TNFSF12: variants seen among roughly 807,000 people sequenced by gnomAD.
The protein encoded by TNFSF12 is tumor necrosis factor ligand superfamily member 12.
TNFSF12 carries 16 observed loss-of-function variants against 31.2 expected under a neutral mutation model. The observed-to-expected ratio is 0.51, with a 90% CI of 0.35 to 0.78. The LOEUF is 0.78. Among genes scored for constraint, TNFSF12 ranks in the 30% least tolerant of loss-of-function variants. TNFSF12 has a pLI of 0.01. For synonymous variants in TNFSF12, 150 were observed against 151.4 expected (o/e 0.99, Z 0.07); for missense variants, 324 against 338.8 (o/e 0.96, Z 0.34).
rs1438090978 is a variant in TNFSF12 at position 7,549,061 on chromosome 17, T to TC, written c.-89dup. ...GCCCCGTTTCCCTTGCCCCTCCCTCTCCCCGGCCCGATCCGCCCGCCGGCT... is the reference window on the plus strand; with the variant it reads ...GCCCCGTTTCCCTTGCCCCTCCCTCTCCCCCGGCCCGATCCGCCCGCCGGCT... On this transcript the variant is annotated 5_prime_UTR_variant, in exon 1 of 7. Coordinates refer to ENST00000293825, the MANE Select transcript of TNFSF12 (RefSeq NM_003809.3). This position sits in a 1 kb window ranked among gnomAD's most constrained non-coding sequence, Gnocchi z 4.1. 1 of 921,012 alleles carries TC rather than the reference T, an allele frequency of 1.1e-6. No homozygotes were observed. The highest frequency in any genetic ancestry group is 1.8e-5 in the African/African-American group (1 of 56,122). The allele number at this position is 921,012 out of a possible 1,614,324, so 57.1% of individuals were successfully genotyped here. A position where few individuals can be genotyped will look rare whatever the true frequency, so the allele number is the denominator to read the frequency against.
chr17:7,554,720 T>C (rs1486827583), intron 5 of TNFSF12, among the ~76,000 whole-genome samples: 2 of 149,490 alleles, frequency 1.3e-5, no homozygotes, highest in Admixed American at 1.3e-4. Context: ...GTTCAAGTGA[T>C]TCTCCTGCCT....
intron 5 of TNFSF12, chr17:7,553,566 CTAAT>C: frequency 1.7e-6 from 2 of 1,152,968 alleles, no homozygotes; most frequent in African/African-American, 1.6e-5. Context: ...GGAAGATACT[CTAAT>C]TACCTCCATT....
Position 7,549,554 on chromosome 17 carries a change from T to C in TNFSF12, c.207+33T>C. 1 of 1,520,702 alleles carries C rather than the reference T, an allele frequency of 6.6e-7. No individual in the cohort carries two copies. The highest frequency in any genetic ancestry group is 8.8e-7 in the Non-Finnish European group (1 of 1,130,342). 94.2% of individuals were successfully genotyped at this position (1,520,702 alleles called of 1,614,324 possible). A position where few individuals can be genotyped will look rare whatever the true frequency, so the allele number is the denominator to read the frequency against. On this transcript the variant is annotated intron_variant, in intron 2 of 6. Transcript: ENST00000293825. This position sits in a 1 kb window ranked among gnomAD's most constrained non-coding sequence, Gnocchi z 4.1. ...GGCGTGGGCGCGGTCTGCAGGCTGC[T>C]GGGGCATGGGAAGTGTGCACAGCCG... is the stretch of plus-strand genomic sequence containing the variant.
chr17:7,553,049 TTTTTTTTTTTTTTG>T (rs2071019523), intron 5 of TNFSF12, among the ~76,000 whole-genome samples: 2 of 97,130 alleles, frequency 2.1e-5, no homozygotes, highest in Admixed American at 1.1e-4. Flanking sequence ...TTTTTTTTTT[TTTTTTTTTTTTTTG>T]TGACAGAGTT....
Position 7,549,214 on chromosome 17 carries a change from C to G in TNFSF12, c.61C>G (p.Leu21Val). Reference sequence around the variant, plus strand: ...CCGGGGGGAGCCGGGCACCGCCCTGCTGGTCCCGCTCGCGCTGGGCCTGGG... The same window carrying G: ...CCGGGGGGAGCCGGGCACCGCCCTGGTGGTCCCGCTCGCGCTGGGCCTGGG... ...GRRGEPGTAL[L>V]VPLALGLGLA... The change falls in exon 1 of 7, where the codon CTG becomes GTG. Residue 21 changes from leucine to valine, a missense_variant. Transcript: ENST00000293825. The surrounding 1 kb of genome is among the most constrained non-coding windows in gnomAD (Gnocchi z 4.1). 3 of 1,348,852 alleles carry G rather than the reference C, an allele frequency of 2.2e-6. No homozygotes were observed. Among genetic ancestry groups the G allele is most frequent in the South Asian group, 3.7e-5 (2 of 54,596 alleles). 83.6% of individuals were successfully genotyped at this position (1,348,852 alleles called of 1,614,324 possible).
intron 5 of TNFSF12, among the ~76,000 whole-genome samples, chr17:7,552,779 A>G (rs2071014872): frequency 6.6e-6 from 1 of 152,098 alleles, no homozygotes; most frequent in Non-Finnish European, 1.5e-5. Flanking sequence ...AGAGGAAGAA[A>G]CCCAGGGAGG....
chr17:7,557,205 C>T lies in TNFSF12; in HGVS notation c.605C>T (p.Ser202Phe). 1.2e-5 allele frequency: 19 copies of T among 1,612,082 alleles called. No individual in the cohort carries two copies. Among genetic ancestry groups the T allele is most frequent in the Non-Finnish European group, 1.6e-5 (19 of 1,178,690 alleles). The change falls in exon 7 of 7, where the codon TCC becomes TTC. Residue 202 changes from serine (S) to phenylalanine (F), a missense_variant. By Grantham distance (155) the Ser-to-Phe change is radical. Transcript: ENST00000293825. The surrounding 1 kb of genome is among the most constrained non-coding windows in gnomAD (Gnocchi z 5.2). ...GAATTCTCAGCCACTGCGGCGAGTT[C>T]CCTCGGGCCCCAGCTCCGCCTCTGC... is the stretch of plus-strand genomic sequence containing the variant. ...LEEFSATAAS[S>F]LGPQLRLCQV...
chr17:7,555,482 G>A (rs1027307026), intron 5 of TNFSF12, among the ~76,000 whole-genome samples: 1 of 152,200 alleles, frequency 6.6e-6, no homozygotes, highest in Non-Finnish European at 1.5e-5. Context: ...CAGGCCACAC[G>A]GTGGCATGTG....
intron 5 of TNFSF12, among the ~76,000 whole-genome samples, chr17:7,555,983 T>TTG (rs2071059673): frequency 1.8e-5 from 1 of 55,138 alleles, no homozygotes; most frequent in Non-Finnish European, 3.2e-5. Context: ...GTTTTTTTTG[T>TTG]TTTTTTTTTT....
intron 5 of TNFSF12, among the ~76,000 whole-genome samples, chr17:7,555,279 C>G (rs1415741863): frequency 6.6e-6 from 1 of 152,120 alleles, no homozygotes; most frequent in Non-Finnish European, 1.5e-5. Flanking sequence ...CAAGGTGCCG[C>G]TGGGCCTTGA....
chr17:7,549,434 G>A lies in TNFSF12; in HGVS notation c.160-40G>A. The A allele has an allele frequency of 2.0e-6, 3 of 1,463,868 alleles. No individual in the cohort carries two copies. Among genetic ancestry groups the A allele is most frequent in the Non-Finnish European group, 2.7e-6 (3 of 1,094,946 alleles). 90.7% of individuals were successfully genotyped at this position (1,463,868 alleles called of 1,614,324 possible). ...AGGATGGGTGGAGGGTGAGATGTCA[G>A]GTGGAGCGGCACAGGGTGACGCTCC... is the stretch of plus-strand genomic sequence containing the variant. On this transcript the variant is annotated intron_variant, in intron 1 of 6. Transcript: ENST00000293825. This position sits in a 1 kb window ranked among gnomAD's most constrained non-coding sequence, Gnocchi z 4.1.
chr17:7,554,959 A>G (rs1253063212), intron 5 of TNFSF12, among the ~76,000 whole-genome samples: 1 of 152,030 alleles, frequency 6.6e-6, no homozygotes, highest in African/African-American at 2.4e-5. Flanking sequence ...AGAGGAAACA[A>G]GCATATAAAT....
chr17:7,549,971 C>T lies in TNFSF12; in HGVS notation c.208-149C>T, dbSNP rs1372236442. 1.6e-6 allele frequency: 2 copies of T among 1,236,904 alleles called. No individual in the cohort carries two copies. Among genetic ancestry groups the T allele is most frequent in the Admixed American group, 4.1e-5 (2 of 49,294 alleles). The allele number at this position is 1,236,904 out of a possible 1,614,324, so 76.6% of individuals were successfully genotyped here. A position where few individuals can be genotyped will look rare whatever the true frequency, so the allele number is the denominator to read the frequency against. ...GGCCTGACTCCCAGCTTCACCTTTG[C>T]CCGGGGCCCCAGCTGTAGTTGGCTG... On this transcript the variant is annotated intron_variant, in intron 2 of 6. Transcript: ENST00000293825. The surrounding 1 kb of genome is among the most constrained non-coding windows in gnomAD (Gnocchi z 4.1).
At position 7,550,112 on chromosome 17, in the gene TNFSF12, T is replaced by G; in HGVS notation, c.208-8T>G. ...GTCTGTGGTTGAACCCTGCCCTAAT[T>G]CCCCTAGGAACTGAATCCCCAGACA... On this transcript the variant is annotated splice_region_variant and splice_polypyrimidine_tract_variant and intron_variant, in intron 2 of 6. Coordinates refer to ENST00000293825, the MANE Select transcript of TNFSF12 (RefSeq NM_003809.3). This position sits in a 1 kb window ranked among gnomAD's most constrained non-coding sequence, Gnocchi z 4.4. 6.2e-7 allele frequency: 1 copy of G among 1,613,908 alleles called. No homozygotes were observed. Among genetic ancestry groups the G allele is most frequent in the South Asian group, 1.1e-5 (1 of 91,066 alleles).
chr17:7,555,973 G>GTTTTTTGTTTTTTTTTTTT lies in TNFSF12; in HGVS notation c.374-799_374-798insGTTTTTTTTTTTTTTTTTT, dbSNP rs1555564686. Among the ~76,000 whole-genome samples, 9 of 70,878 alleles carry GTTTTTTGTTTTTTTTTTTT rather than the reference G, an allele frequency of 1.3e-4. 1 individual carries two copies. The highest frequency in any genetic ancestry group is 2.9e-4 in the African/African-American group (5 of 17,522). The allele number at this position is 70,878 out of a possible 152,430, so 46.5% of individuals were successfully genotyped here. On this transcript the variant is annotated intron_variant, in intron 5 of 6. Coordinates refer to ENST00000293825, the MANE Select transcript of TNFSF12 (RefSeq NM_003809.3). ...GTGGAAATAAAAATGCCCAGTGAGC[G>GTTTTTTGTTTTTTTTTTTT]TTTTTTTTGTTTTTTTTTTTTTTTG...
Position 7,549,690 on chromosome 17 carries a change from C to G in TNFSF12, c.207+169C>G. 1 of 1,153,946 alleles carries G rather than the reference C, an allele frequency of 8.7e-7. No homozygotes were observed. Among genetic ancestry groups the G allele is most frequent in the South Asian group, 1.8e-5 (1 of 55,468 alleles). The allele number at this position is 1,153,946 out of a possible 1,614,324, so 71.5% of individuals were successfully genotyped here. A position where few individuals can be genotyped will look rare whatever the true frequency, so the allele number is the denominator to read the frequency against. ...CTGCAGGGGTGTGTGTGCGTGGTGA[C>G]AACTCTGTGTGAGGGGTTTGTGCTG... On this transcript the variant is annotated intron_variant, in intron 2 of 6. Transcript: ENST00000293825. This position sits in a 1 kb window ranked among gnomAD's most constrained non-coding sequence, Gnocchi z 4.1.
In TNFSF12 at chr17:7,550,881, G is replaced by A. The variant is rs912058760; in HGVS notation, c.337+29G>A. The A allele has an allele frequency of 2.5e-6, 4 of 1,613,822 alleles. No individual in the cohort carries two copies. Among genetic ancestry groups the A allele is most frequent in the Non-Finnish European group, 3.4e-6 (4 of 1,179,868 alleles). On this transcript the variant is annotated intron_variant, in intron 4 of 6. Coordinates refer to ENST00000293825, the MANE Select transcript of TNFSF12 (RefSeq NM_003809.3). This position sits in a 1 kb window ranked among gnomAD's most constrained non-coding sequence, Gnocchi z 4.4. ...GGTGATGGGTGAGCCATACCCAGGA[G>A]GAGAGGGGCAGGTGGCAGAGGGTCA...
intron 5 of TNFSF12, among the ~76,000 whole-genome samples, chr17:7,553,264 G>T (rs2071022578): frequency 6.6e-6 from 1 of 151,966 alleles, no homozygotes; most frequent in Non-Finnish European, 1.5e-5. Flanking sequence ...GGTCAGGCTG[G>T]TCTCAAACTC....
At position 7,550,155 on chromosome 17, in the gene TNFSF12, T is replaced by G; in HGVS notation, c.243T>G (p.Pro81=). The change falls in exon 3 of 7, where the codon CCT becomes CCG. Residue 81 remains proline, a synonymous_variant. Coordinates refer to ENST00000293825, the MANE Select transcript of TNFSF12 (RefSeq NM_003809.3). This position sits in a 1 kb window ranked among gnomAD's most constrained non-coding sequence, Gnocchi z 4.4. ...LNPQTEESQD[P]APFLNRLVRP... ...CCCAGACAGAAGAAAGCCAGGATCC[T>G]GCGCCTTTCCTGAACCGACTAGTTC... 6.2e-7 allele frequency: 1 copy of G among 1,614,162 alleles called. No homozygotes were observed. The highest frequency in any genetic ancestry group is 8.5e-7 in the Non-Finnish European group (1 of 1,180,028).
Sources: gnomAD v4.1 joint callset for allele counts (sites outside exome capture counted in the v4.1 genomes callset) on GRCh38, gnomAD v4.1.1 for gene constraint, Gnocchi (gnomAD v3.1) non-coding constraint, MANE v1.5 for transcripts, NCBI Gene and HGNC (gene_info 2026-07-23, HGNC 2026-07-21) for gene names.